Variants in LRMDA observed in about 807,000 individuals in gnomAD.
LRMDA encodes leucine-rich melanocyte differentiation-associated protein.
LRMDA carries 18 observed loss-of-function variants against 29.8 expected under a neutral mutation model. That is an observed-to-expected ratio of 0.60 (90% CI 0.42 to 0.90). The LOEUF is 0.90. Among genes scored for constraint, LRMDA ranks in the 40% least tolerant of loss-of-function variants. The pLI is 0.00. For synonymous variants in LRMDA, 125 were observed against 109.4 expected, an observed-to-expected ratio of 1.14 and a Z score of -0.89; for missense variants, 273 against 273.9, an observed-to-expected ratio of 1.00 and a Z score of 0.02.
intron 6 of LRMDA, among the ~76,000 whole-genome samples, chr10:76,534,527 CT>C (rs1843271086): frequency 6.6e-6 from 1 of 152,126 alleles, no homozygotes; most frequent in Admixed American, 6.6e-5. Context: ...CTGTATTGGC[CT>C]TTTGAGTAAG....
At chr10:76,282,502 G>T (rs1322502795) in intron 5 of LRMDA, among the ~76,000 whole-genome samples, 6 of 152,128 alleles carry the variant, frequency 3.9e-5, no homozygotes, top group Admixed American at 3.9e-4. Context: ...CGCTGGTGGA[G>T]GTCTATGATA....
At chr10:76,222,182 G>T (rs1182559322) in intron 5 of LRMDA, among the ~76,000 whole-genome samples, 1 of 151,994 alleles carries the variant, frequency 6.6e-6, no homozygotes, top group Admixed American at 6.6e-5. Flanking sequence ...GAAAACCTAG[G>T]CATTACCATT....
At chr10:75,636,830 C>T (rs1841395837) in intron 2 of LRMDA, among the ~76,000 whole-genome samples, 1 of 151,880 alleles carries the variant, frequency 6.6e-6, no homozygotes, top group African/African-American at 2.4e-5. Context: ...CTTCTAAGAC[C>T]AGAATTGGCA....
intron 4 of LRMDA, among the ~76,000 whole-genome samples, chr10:76,049,851 C>G (rs988653690): frequency 2.0e-5 from 3 of 152,110 alleles, no homozygotes; most frequent in African/African-American, 7.2e-5. Flanking sequence ...AGTAGAGCCT[C>G]TATGTAAATT....
intron 5 of LRMDA, among the ~76,000 whole-genome samples, chr10:76,238,436 C>A (rs2132281025): frequency 6.6e-6 from 1 of 152,262 alleles, no homozygotes; most frequent in Non-Finnish European, 1.5e-5. Flanking sequence ...CTTTGTTCCC[C>A]AGACTCTGTT....
chr10:75,635,344 G>C (rs1488015031), intron 2 of LRMDA, among the ~76,000 whole-genome samples: 1 of 152,076 alleles, frequency 6.6e-6, no homozygotes, highest in Non-Finnish European at 1.5e-5. Flanking sequence ...CTGCAAGCAG[G>C]ATTTGGCCTT....
chr10:75,686,371 C>T (rs1179573034), intron 2 of LRMDA, among the ~76,000 whole-genome samples: 2 of 152,198 alleles, frequency 1.3e-5, no homozygotes, highest in Admixed American at 1.3e-4. Flanking sequence ...GAGGCTTTCT[C>T]AGGAAGGCCT....
intron 2 of LRMDA, among the ~76,000 whole-genome samples, chr10:75,899,788 C>T (rs1845640838): frequency 6.6e-6 from 1 of 152,122 alleles, no homozygotes; most frequent in South Asian, 2.1e-4. Flanking sequence ...AGGACAGAGC[C>T]CAGGAGAACT....
At chr10:76,358,672 G>A (rs1278830076) in intron 6 of LRMDA, among the ~76,000 whole-genome samples, 1 of 152,162 alleles carries the variant, frequency 6.6e-6, no homozygotes, top group Non-Finnish European at 1.5e-5. Flanking sequence ...AAATGCTGGT[G>A]AAATAATTCA....
intron 5 of LRMDA, among the ~76,000 whole-genome samples, chr10:76,096,900 A>G (rs2132097546): frequency 6.6e-6 from 1 of 151,998 alleles, no homozygotes; most frequent in Non-Finnish European, 1.5e-5. Context: ...CCAATTGTTC[A>G]TTGCTAGTTT....
intron 2 of LRMDA, among the ~76,000 whole-genome samples, chr10:75,641,509 T>C (rs111517579): frequency 0.043 from 6,564 of 152,188 alleles, 344 homozygotes; most frequent in African/African-American, 0.13. Context: ...TTAATAATTA[T>C]TATTTTTAAA....
chr10:76,247,967 A>T (rs962802926), intron 5 of LRMDA, among the ~76,000 whole-genome samples: 1 of 152,150 alleles, frequency 6.6e-6, no homozygotes, highest in Non-Finnish European at 1.5e-5. Flanking sequence ...GTATTGTTAT[A>T]TGCAGTCCTA....
chr10:75,826,307 C>A (rs549681170), intron 2 of LRMDA, among the ~76,000 whole-genome samples: 19 of 152,150 alleles, frequency 1.2e-4, no homozygotes, highest in Non-Finnish European at 2.5e-4. Context: ...AGGACTGGTG[C>A]TAAGAATGCA....
At chr10:75,839,043 A>T (rs535417586) in intron 2 of LRMDA, among the ~76,000 whole-genome samples, 1 of 152,192 alleles carries the variant, frequency 6.6e-6, no homozygotes, top group African/African-American at 2.4e-5. Flanking sequence ...AAGGGGAAAA[A>T]ATCCTCCAGG....
intron 6 of LRMDA, among the ~76,000 whole-genome samples, chr10:76,506,870 A>G (rs1842964342): frequency 6.6e-6 from 1 of 152,014 alleles, no homozygotes; most frequent in Admixed American, 6.6e-5. Context: ...GTTGGTGGAC[A>G]TTTAGCTTGA....
intron 2 of LRMDA, among the ~76,000 whole-genome samples, chr10:75,488,384 T>TTGGC (rs1180142532): frequency 6.6e-6 from 1 of 152,208 alleles, no homozygotes; most frequent in East Asian, 1.9e-4. Context: ...CAGAGTGTGC[T>TTGGC]TGGCTCCTGG....
Position 76,399,049 on chromosome 10 carries a change from G to A in LRMDA, c.601+74564G>A, listed in dbSNP as rs920212254. Among the ~76,000 whole-genome samples the A allele has an allele frequency of 7.2e-5, 11 of 152,164 alleles. No homozygotes were observed. The South Asian group carries it at 1.2e-3, about 17-fold the overall frequency. On this transcript the variant is annotated intron_variant, in intron 6 of 6. Coordinates refer to ENST00000611255, the MANE Select transcript of LRMDA (RefSeq NM_001305581.2). The stretch of plus-strand genomic sequence containing the variant: ...TCCAGGTCTAAAATTTTGTATCATG[G>A]AAGAAAGTGATCATCACTAATTCTG...
At chr10:76,557,070 T>A (rs1843567144) in intron 6 of LRMDA, 139 bp from the exon 7 acceptor site, 6 of 670,508 alleles carry the variant, frequency 8.9e-6, no homozygotes, top group African/African-American at 1.8e-5. Context: ...AAAGGGAGAG[T>A]TCTTCCCTTC....
intron 5 of LRMDA, among the ~76,000 whole-genome samples, chr10:76,064,412 T>C (rs1035301261): frequency 6.6e-6 from 1 of 152,194 alleles, no homozygotes; most frequent in Non-Finnish European, 1.5e-5. Context: ...TTTTAGGAAG[T>C]AAGTAGCTCT....
Sources: allele counts gnomAD v4.1 joint callset (sites outside exome capture counted in the v4.1 genomes callset), GRCh38; gene constraint gnomAD v4.1.1; transcripts MANE v1.5; gene names NCBI Gene and HGNC (gene_info 2026-07-23, HGNC 2026-07-21).